GSDMB: variants seen among roughly 807,000 people sequenced by gnomAD.
GSDMB encodes the protein gasdermin-B.
A neutral mutation model predicts 42.9 loss-of-function variants in GSDMB; 32 were observed. The observed-to-expected ratio is 0.75, with a 90% CI of 0.56 to 1.00. The LOEUF (loss-of-function observed/expected upper bound fraction) is 1.00. Among genes scored for constraint, GSDMB ranks in the 50% least tolerant of loss-of-function variants. GSDMB has a pLI of 0.00. For synonymous variants in GSDMB, 175 were observed against 193.7 expected (o/e 0.90, Z 0.80); for missense variants, 468 against 498.5 (o/e 0.94, Z 0.58).
At chr17:39,916,937 A>G in intron 2 of GSDMB, 145 bp downstream of exon 2, 2 of 606,556 alleles carry the variant, frequency 3.3e-6, no homozygotes, top group Non-Finnish European at 3.0e-6. Context: ...TCTTCCGTGC[A>G]TTTCTTAAAT....
At chr17:39,913,538 G>A (rs1378463081) in intron 2 of GSDMB, among the ~76,000 whole-genome samples, 1 of 152,132 alleles carries the variant, frequency 6.6e-6, no homozygotes, top group Non-Finnish European at 1.5e-5. Context: ...GCTTGAACCT[G>A]GGAGGCAGAA....
chr17:39,916,077 G>A (rs1179862971), intron 2 of GSDMB, among the ~76,000 whole-genome samples: 2 of 152,060 alleles, frequency 1.3e-5, no homozygotes, highest in Admixed American at 6.6e-5. Flanking sequence ...TCAGAGGCAG[G>A]GGGTTGGAAT....
At chr17:39,911,323 CAAA>C (rs373759080) in intron 3 of GSDMB, among the ~76,000 whole-genome samples, 2 of 116,536 alleles carry the variant, frequency 1.7e-5, no homozygotes, top group Non-Finnish European at 1.7e-5. Flanking sequence ...AACTCCATCT[CAAA>C]AAAAAAAAAA....
intron 2 of GSDMB, among the ~76,000 whole-genome samples, chr17:39,913,467 G>C (rs1236287851): frequency 1.3e-5 from 2 of 152,160 alleles, no homozygotes; most frequent in Non-Finnish European, 2.9e-5. Flanking sequence ...TACCAAATTA[G>C]TCGGGGGTGG....
intron 2 of GSDMB, among the ~76,000 whole-genome samples, chr17:39,912,920 A>G (rs555018588): frequency 1.3e-5 from 2 of 152,186 alleles, no homozygotes; most frequent in Admixed American, 6.5e-5. Context: ...AGCCTGGCCA[A>G]TATGGTGAAA....
chr17:39,916,300 T>TTTG (rs2063709237), intron 2 of GSDMB, among the ~76,000 whole-genome samples: 1 of 150,238 alleles, frequency 6.7e-6, no homozygotes, highest in African/African-American at 2.5e-5. Context: ...TTTTTTTTTT[T>TTTG]GAGACAGAGG....
intron 5 of GSDMB, 62 bp downstream of exon 5, chr17:39,908,894 CCA>C: frequency 9.6e-7 from 1 of 1,045,550 alleles, no homozygotes; most frequent in Non-Finnish European, 1.5e-6. Context: ...TGGTTGAATC[CCA>C]CCCCCCACCT....
chr17:39,918,185 C>T (rs1568108093), intron 1 of GSDMB: 1 of 152,212 alleles, frequency 6.6e-6, no homozygotes, highest in Non-Finnish European at 1.5e-5. Flanking sequence ...CATTACTAAC[C>T]TCAACTGGTC....
intron 2 of GSDMB, among the ~76,000 whole-genome samples, chr17:39,912,845 C>T (rs928532094): frequency 1.3e-5 from 2 of 152,230 alleles, no homozygotes; most frequent in African/African-American, 4.8e-5. Context: ...GTGGCTCACG[C>T]CTGTAATCCC....
intron 2 of GSDMB, among the ~76,000 whole-genome samples, chr17:39,915,920 G>T (rs1031458): frequency 0.61 from 93,068 of 151,904 alleles, 29,771 homozygotes; most frequent in African/African-American, 0.81. Flanking sequence ...AGCTATGAGC[G>T]CCTTGCTATT....
At chr17:39,907,964 C>T (rs777231350) in intron 6 of GSDMB, among the ~76,000 whole-genome samples, 2 of 152,112 alleles carry the variant, frequency 1.3e-5, no homozygotes, top group African/African-American at 4.8e-5. Flanking sequence ...ACTGCCAGCA[C>T]GAAGTTGTCC....
At position 39,917,147 on chromosome 17, in the gene GSDMB, G is replaced by A; in HGVS notation, c.170C>T (p.Thr57Ile). ...FGCRHYTTGL[T>I]LMDILDTDGD... ...ATCTGTGTCCAGAATGTCCATCAGG[G>A]TGAGGCCTGTTGTGTAGTGCCGGCA... Residue 57 changes from threonine (T) to isoleucine (I), a missense_variant, in exon 2 of 11, where the codon ACC (threonine) becomes ATC (isoleucine). By Grantham distance (89) the Thr-to-Ile change is moderately conservative (BLOSUM62 -1). Coordinates refer to ENST00000418519, the MANE Select transcript of GSDMB (RefSeq NM_001165958.2). 6.2e-7 allele frequency: 1 copy of A among 1,614,110 alleles called. No homozygotes were observed. Among genetic ancestry groups the A allele is most frequent in the Non-Finnish European group, 8.5e-7 (1 of 1,179,996 alleles).
At chr17:39,905,715 G>C (rs771460293) in intron 9 of GSDMB, 132 bp downstream of exon 9, 213 of 1,091,384 alleles carry the variant, frequency 2.0e-4, no homozygotes, top group Non-Finnish European at 2.7e-4. Context: ...CCTGGCCTGA[G>C]GAAGACATGA....
rs2063577442 is a variant in GSDMB, at chr17:39,909,925, CTGGAGAGAG to C, written c.408-10_408-2del. 1.2e-6 allele frequency: 2 copies of C among 1,612,012 alleles called. No individual in the cohort carries two copies. The highest frequency in any genetic ancestry group is 1.3e-5 in the African/African-American group (1 of 74,794). On this transcript the variant is annotated splice_acceptor_variant and splice_polypyrimidine_tract_variant and intron_variant, in intron 3 of 10. Transcript: ENST00000418519. LOFTEE classifies it high-confidence loss of function. ...AAAGGGTAGTTCCCTCTTCAGCTTCCTGGAGAGAGTGGAGAGAGATGAGAGTTAAGGATC... is the reference window on the plus strand; with the variant it reads ...AAAGGGTAGTTCCCTCTTCAGCTTCCTGGAGAGAGATGAGAGTTAAGGATC...
Position 39,906,277 on chromosome 17 carries a change from GA to G in GSDMB, c.728-7del, listed in dbSNP as rs778225649. ...CTCCGAACCCAAAGACTTTCCTGTA[GA>G]GGCAGCAATTGAGAACCTGGGCCAC... On this transcript the variant is annotated splice_region_variant and splice_polypyrimidine_tract_variant and intron_variant, in intron 7 of 10. Coordinates refer to ENST00000418519, the MANE Select transcript of GSDMB (RefSeq NM_001165958.2). 1 of 1,613,858 alleles carries G rather than the reference GA, an allele frequency of 6.2e-7. No individual in the cohort carries two copies. Among genetic ancestry groups the G allele is most frequent in the Non-Finnish European group, 8.5e-7 (1 of 1,179,916 alleles).
In GSDMB at chr17:39,912,420, T is replaced by C. The variant is rs1357614367; in HGVS notation, c.313A>G (p.Thr105Ala). The change falls in exon 3 of 11, where the codon ACA becomes GCA. Residue 105 changes from threonine to alanine, a missense_variant. Thr to Ala is a moderately conservative substitution (Grantham distance 58). Coordinates refer to ENST00000418519, the MANE Select transcript of GSDMB (RefSeq NM_001165958.2). ...ELIVRLPKEI[T>A]ISGSFQGFHH... is the part of the protein sequence containing the mutation. ...AAGCCCTGGAAACTGCCTGAAATTG[T>C]TATTTCTTTGGGTAATCTCACTATC... is the stretch of plus-strand genomic sequence containing the variant. The C allele has an allele frequency of 1.2e-6, 2 of 1,612,756 alleles. No individual in the cohort carries two copies. The highest frequency in any genetic ancestry group is 4.5e-5 in the East Asian group (2 of 44,880).
intron 5 of GSDMB, 113 bp from the exon 6 acceptor site, chr17:39,908,327 A>C: frequency 1.1e-4 from 25 of 230,966 alleles, no homozygotes; most frequent in Non-Finnish European, 1.4e-4. Flanking sequence ...CTCCAATCAA[A>C]AAAAAAAAAA....
chr17:39,917,302 A>C lies in GSDMB; in HGVS notation c.15T>G (p.Phe5Leu). Residue 5 changes from phenylalanine to leucine, a missense_variant, in exon 2 of 11, where the codon TTT becomes TTG. Physicochemically the swap from Phe to Leu is conservative, Grantham distance 22. Transcript: ENST00000418519. ...TAACTACAATTCTTGTGATTTCCTC[A>C]AATACGCTGAACATTGCGCCTGGAC... is the stretch of plus-strand genomic sequence containing the variant. MFSV[F>L]EEITRIVVKE... is the part of the protein sequence containing the mutation. 6.2e-7 allele frequency: 1 copy of C among 1,610,622 alleles called. No individual in the cohort carries two copies. Among genetic ancestry groups the C allele is most frequent in the Non-Finnish European group, 8.5e-7 (1 of 1,176,814 alleles).
In GSDMB at chr17:39,904,776, A is replaced by G; in HGVS notation, c.*36T>C. 1 of 1,600,014 alleles carries G rather than the reference A, an allele frequency of 6.2e-7. No individual in the cohort carries two copies. The highest frequency in any genetic ancestry group is 8.6e-7 in the Non-Finnish European group (1 of 1,169,536). On this transcript the variant is annotated 3_prime_UTR_variant, in exon 11 of 11. Transcript: ENST00000418519. ...AGTGAGGACAGACTGGTAAAGGGAA[A>G]ACCCAGAGGCTTGTGGGGAGAAAGG...
Sources: allele counts gnomAD v4.1 joint callset (sites outside exome capture counted in the v4.1 genomes callset), GRCh38; gene constraint gnomAD v4.1.1; transcripts MANE v1.5; gene names NCBI Gene and HGNC (gene_info 2026-07-23, HGNC 2026-07-21).